The following LRP1B variants were observed in gnomAD, a reference collection of about 807,000 sequenced individuals.
LRP1B encodes the protein LDL receptor related protein 1B.
Under a neutral mutation model 556.6 loss-of-function variants are expected in LRP1B, and 217 were observed. The ratio of observed to expected loss-of-function variants is 0.39; its 90% CI spans 0.35 to 0.44. The LOEUF (loss-of-function observed/expected upper bound fraction) is 0.44, where lower values mean the gene tolerates loss of function less well. Among genes scored for constraint, LRP1B ranks in the 20% least tolerant of loss-of-function variants. The probability of loss-of-function intolerance (pLI) is 1.00; values close to 1 mark genes in which losing one functional copy is unlikely to be tolerated. For synonymous variants in LRP1B, 2,047 were observed against 1,865.8 expected (o/e 1.10, Z -2.50); for missense variants, 5,053 against 5,620.8 (o/e 0.90, Z 3.23).
In LRP1B at chr2:141,229,172, G is replaced by C. The variant is rs2105293158; in HGVS notation, c.850+11C>G. On this transcript the variant is annotated intron_variant, in intron 6 of 90. Transcript: ENST00000389484. The stretch of plus-strand genomic sequence containing the variant: ...AAAGGGTGGCATATAATATTTAATT[G>C]AAACACTTACTGTGGAAGGATTGAA... The C allele has an allele frequency of 6.2e-7, 1 of 1,611,690 alleles. No homozygotes were observed. Among genetic ancestry groups the C allele is most frequent in the Non-Finnish European group, 8.5e-7 (1 of 1,178,824 alleles).
intron 68 of LRP1B, among the ~76,000 whole-genome samples, chr2:140,375,165 C>CTGTG (rs773327824): frequency 1.5e-5 from 2 of 134,818 alleles, no homozygotes; most frequent in South Asian, 4.8e-4. Flanking sequence ...GATTTTTATA[C>CTGTG]TGTGTGTATG....
At chr2:140,792,454 T>C (rs892965770) in intron 32 of LRP1B, among the ~76,000 whole-genome samples, 1 of 152,168 alleles carries the variant, frequency 6.6e-6, no homozygotes, top group Non-Finnish European at 1.5e-5. Context: ...TTATTTGAGA[T>C]AACCAGAATA....
chr2:141,237,353 G>GGTTTTTTTTTTTT (rs398039112), intron 5 of LRP1B, among the ~76,000 whole-genome samples: 1 of 93,636 alleles, frequency 1.1e-5, no homozygotes. Flanking sequence ...GTGTTCTAGT[G>GGTTTTTTTTTTTT]TTTTTTTTTT....
chr2:140,413,974 T>C (rs775329016), intron 66 of LRP1B, among the ~76,000 whole-genome samples: 15 of 152,168 alleles, frequency 9.9e-5, no homozygotes, highest in Non-Finnish European at 1.8e-4. Flanking sequence ...TTGGAATGCA[T>C]TGATGCAATC....
intron 35 of LRP1B, among the ~76,000 whole-genome samples, chr2:140,743,410 ACTCT>A (rs1308385328): frequency 2.6e-5 from 4 of 152,276 alleles, no homozygotes; most frequent in Admixed American, 2.6e-4. Flanking sequence ...GGAAAAACAT[ACTCT>A]AGATTCAGAA....
At chr2:140,926,427 A>C (rs1694887297) in intron 20 of LRP1B, among the ~76,000 whole-genome samples, 1 of 151,856 alleles carries the variant, frequency 6.6e-6, no homozygotes, top group Non-Finnish European at 1.5e-5. Context: ...TTGCAGCCTC[A>C]ACCTCCTGGA....
intron 20 of LRP1B, among the ~76,000 whole-genome samples, chr2:140,929,677 C>T (rs548442296): frequency 1.3e-5 from 2 of 151,582 alleles, no homozygotes; most frequent in East Asian, 3.9e-4. Context: ...CAAGAACCTT[C>T]ACATTTATAA....
At chr2:141,587,131 AT>A (rs1687170759) in intron 2 of LRP1B, among the ~76,000 whole-genome samples, 1 of 152,280 alleles carries the variant, frequency 6.6e-6, no homozygotes, top group African/African-American at 2.4e-5. Context: ...AGCAACAAAT[AT>A]GCAAAAAACT....
At chr2:140,947,107 C>T (rs534128067) in intron 20 of LRP1B, among the ~76,000 whole-genome samples, 1 of 152,210 alleles carries the variant, frequency 6.6e-6, no homozygotes, top group South Asian at 2.1e-4. Context: ...AAGTCCAAAC[C>T]TCAGCATCAT....
chr2:141,336,118 A>C (rs1266003320), intron 3 of LRP1B, among the ~76,000 whole-genome samples: 1 of 150,622 alleles, frequency 6.6e-6, no homozygotes. Flanking sequence ...CCTGTCCAAA[A>C]AAAAAAAAAA....
intron 2 of LRP1B, among the ~76,000 whole-genome samples, chr2:141,535,278 G>A (rs1255823870): frequency 1.3e-5 from 2 of 152,112 alleles, no homozygotes; most frequent in African/African-American, 4.8e-5. Flanking sequence ...TATTTTCCCA[G>A]TAGCTGCGGA....
At chr2:140,368,064 A>T (rs544264730) in intron 71 of LRP1B, among the ~76,000 whole-genome samples, 6 of 151,866 alleles carry the variant, frequency 4.0e-5, no homozygotes, top group Admixed American at 6.6e-5. Context: ...TACTCCAAAA[A>T]ATTTGCACTA....
At chr2:140,623,905 C>A (rs952103318) in intron 41 of LRP1B, among the ~76,000 whole-genome samples, 9 of 129,470 alleles carry the variant, frequency 7.0e-5, no homozygotes, top group Non-Finnish European at 1.5e-4. Context: ...GGCAACACAG[C>A]GAGACTTCGT....
chr2:141,633,144 A>G (rs1489614099), intron 2 of LRP1B, among the ~76,000 whole-genome samples: 3 of 152,094 alleles, frequency 2.0e-5, no homozygotes, highest in African/African-American at 7.2e-5. Context: ...TAAGATGATA[A>G]TTAGCCTCTT....
intron 29 of LRP1B, among the ~76,000 whole-genome samples, chr2:140,847,631 G>A (rs1384671075): frequency 6.6e-6 from 1 of 152,050 alleles, no homozygotes; most frequent in Non-Finnish European, 1.5e-5. Flanking sequence ...GCCAGGCATG[G>A]TGGTGTGCAC....
intron 41 of LRP1B, among the ~76,000 whole-genome samples, chr2:140,673,980 G>A (rs561850960): frequency 5.2e-4 from 71 of 136,168 alleles, no homozygotes; most frequent in Non-Finnish European, 9.9e-4. Flanking sequence ...ACAGAGTCTT[G>A]CTTTGTCGCC....
chr2:141,020,130 A>G, intron 11 of LRP1B, 28 bp from the exon 12 acceptor site: 1 of 1,422,556 alleles, frequency 7.0e-7, no homozygotes, highest in Non-Finnish European at 9.3e-7. Flanking sequence ...ACAAGAAAGA[A>G]ATTGCTTTTA....
At chr2:141,331,670 G>A (rs1057504673) in intron 3 of LRP1B, among the ~76,000 whole-genome samples, 1 of 152,012 alleles carries the variant, frequency 6.6e-6, no homozygotes, top group Non-Finnish European at 1.5e-5. Flanking sequence ...GTCTTAATAG[G>A]AATGTAAACA....
intron 66 of LRP1B, among the ~76,000 whole-genome samples, chr2:140,410,072 T>C (rs1684907006): frequency 6.6e-6 from 1 of 152,126 alleles, no homozygotes; most frequent in Admixed American, 6.6e-5. Flanking sequence ...GAGTGTAATT[T>C]ACACTCTGAG....
Sources: allele counts gnomAD v4.1 joint callset (sites outside exome capture counted in the v4.1 genomes callset), GRCh38; gene constraint gnomAD v4.1.1; transcripts MANE v1.5; gene names NCBI Gene and HGNC (gene_info 2026-07-23, HGNC 2026-07-21).